TEC: variants seen among roughly 807,000 people sequenced by gnomAD.
The protein encoded by TEC is tyrosine-protein kinase Tec.
Under a neutral mutation model 93.0 loss-of-function variants are expected in TEC, and 72 were observed. That is an observed-to-expected ratio of 0.77 (90% confidence interval 0.64 to 0.94). The LOEUF (loss-of-function observed/expected upper bound fraction) is 0.94, where lower values mean the gene tolerates loss of function less well. Ranked by LOEUF, TEC falls within the 40% of genes least tolerant of loss-of-function variation. The pLI is 0.00. For synonymous variants in TEC, 249 were observed against 247.7 expected (o/e 1.01, Z -0.05); for missense variants, 630 against 757.9 (o/e 0.83, Z 1.98).
At chr4:48,248,314 A>T (rs566204446) in intron 1 of TEC, among the ~76,000 whole-genome samples, 1 of 152,266 alleles carries the variant, frequency 6.6e-6, no homozygotes, top group South Asian at 2.1e-4. Flanking sequence ...GCTTCTGGCA[A>T]TTATAAGCTA....
chr4:48,175,786 AT>A (rs1208509555), intron 3 of TEC, among the ~76,000 whole-genome samples: 1 of 152,152 alleles, frequency 6.6e-6, no homozygotes, highest in African/African-American at 2.4e-5. Context: ...GTCTAATATT[AT>A]TTTTTTCATC....
chr4:48,163,973 G>A (rs751991524), intron 7 of TEC, among the ~76,000 whole-genome samples: 4 of 152,080 alleles, frequency 2.6e-5, no homozygotes, highest in East Asian at 3.8e-4. Context: ...AAAATTCTGC[G>A]GTAGGCAGGC....
intron 1 of TEC, among the ~76,000 whole-genome samples, chr4:48,254,736 T>G (rs1473765845): frequency 6.6e-6 from 1 of 152,212 alleles, no homozygotes; most frequent in Non-Finnish European, 1.5e-5. Context: ...GAAGAACAGA[T>G]TTCTCTAATG....
chr4:48,207,153 G>A (rs1722742968), intron 2 of TEC, among the ~76,000 whole-genome samples: 1 of 152,202 alleles, frequency 6.6e-6, no homozygotes, highest in South Asian at 2.1e-4. Context: ...GAATGGACCA[G>A]GTGGTAGGAA....
chr4:48,182,535 CTGTGTGTGTGTGTG>C (rs60434609), intron 2 of TEC, among the ~76,000 whole-genome samples: 1 of 147,234 alleles, frequency 6.8e-6, no homozygotes, highest in Non-Finnish European at 1.5e-5. Context: ...GGGCAATACT[CTGTGTGTGTGTGTG>C]TGTGTGTGTG....
At chr4:48,168,915 T>C (rs1720987496) in intron 5 of TEC, among the ~76,000 whole-genome samples, 1 of 152,204 alleles carries the variant, frequency 6.6e-6, no homozygotes, top group African/African-American at 2.4e-5. Flanking sequence ...CACTCAATAA[T>C]GCTCATGGAA....
At chr4:48,250,934 T>A (rs1190774786) in intron 1 of TEC, among the ~76,000 whole-genome samples, 1 of 152,234 alleles carries the variant, frequency 6.6e-6, no homozygotes, top group Non-Finnish European at 1.5e-5. Context: ...TACACAGGAT[T>A]ACTGTGGCAA....
chr4:48,139,206 A>C (rs1408774336), intron 15 of TEC, among the ~76,000 whole-genome samples, 184 bp from the exon 16 acceptor site: 1 of 152,226 alleles, frequency 6.6e-6, no homozygotes, highest in Admixed American at 6.5e-5. Flanking sequence ...TCTCAGCTTA[A>C]TTTAAGTGCA....
At chr4:48,156,587 C>A in intron 9 of TEC, 93 bp downstream of exon 9, 1 of 1,148,616 alleles carries the variant, frequency 8.7e-7, no homozygotes, top group African/African-American at 1.6e-5. Context: ...CACTGCTGAA[C>A]ACATTTAGAA....
chr4:48,222,433 G>A (rs1723297729), intron 2 of TEC, among the ~76,000 whole-genome samples: 1 of 152,140 alleles, frequency 6.6e-6, no homozygotes. Context: ...GTTGGGAGCT[G>A]CAATAAGCCT....
At chr4:48,266,039 A>T (rs1350172739) in intron 1 of TEC, among the ~76,000 whole-genome samples, 2 of 152,208 alleles carry the variant, frequency 1.3e-5, no homozygotes, top group Non-Finnish European at 2.9e-5. Context: ...AGAGTTCTAA[A>T]TTTCTCAACA....
At chr4:48,180,353 T>G (rs1721534648) in intron 2 of TEC, among the ~76,000 whole-genome samples, 7 of 152,148 alleles carry the variant, frequency 4.6e-5, no homozygotes, top group Admixed American at 3.9e-4. Flanking sequence ...ACAAGCACCA[T>G]GCTGAGTGCT....
intron 14 of TEC, among the ~76,000 whole-genome samples, chr4:48,143,136 A>C (rs778552534): frequency 2.6e-5 from 4 of 152,212 alleles, no homozygotes; most frequent in Non-Finnish European, 5.9e-5. Flanking sequence ...GTTAATATCC[A>C]TTCCCTGGAC....
intron 8 of TEC, 73 bp from the exon 9 acceptor site, chr4:48,156,807 A>G: frequency 8.2e-7 from 1 of 1,216,538 alleles, no homozygotes; most frequent in Non-Finnish European, 1.2e-6. Flanking sequence ...GAATTAATAA[A>G]GTAATTCTGC....
chr4:48,248,432 A>G (rs1012658643), intron 1 of TEC, among the ~76,000 whole-genome samples: 2 of 152,126 alleles, frequency 1.3e-5, no homozygotes, highest in African/African-American at 4.8e-5. Context: ...TACACAGCAC[A>G]TTGCATGTCT....
intron 8 of TEC, among the ~76,000 whole-genome samples, chr4:48,162,371 C>G (rs1252119774): frequency 6.6e-6 from 1 of 152,166 alleles, no homozygotes; most frequent in African/African-American, 2.4e-5. Context: ...GGCCATGAAT[C>G]ATAAACTTCA....
chr4:48,203,209 GA>G (rs917522277), intron 2 of TEC, among the ~76,000 whole-genome samples: 56 of 152,066 alleles, frequency 3.7e-4, no homozygotes, highest in African/African-American at 1.3e-3. Context: ...ACTAAAAATA[GA>G]AAAAATTAGC....
At chr4:48,150,129 T>C (rs1013539367) in intron 10 of TEC, among the ~76,000 whole-genome samples, 4 of 152,210 alleles carry the variant, frequency 2.6e-5, no homozygotes, top group African/African-American at 9.7e-5. Context: ...CTAAAAATAC[T>C]TTCAAGATGA....
At chr4:48,214,526 T>C (rs1723010002) in intron 2 of TEC, among the ~76,000 whole-genome samples, 1 of 152,228 alleles carries the variant, frequency 6.6e-6, no homozygotes, top group Non-Finnish European at 1.5e-5. Flanking sequence ...CATACTACCA[T>C]TCTGTTTTTC....
Sources: gnomAD v4.1 joint callset for allele counts (sites outside exome capture counted in the v4.1 genomes callset) on GRCh38, gnomAD v4.1.1 for gene constraint, MANE v1.5 for transcripts, NCBI Gene and HGNC (gene_info 2026-07-23, HGNC 2026-07-21) for gene names.